The following STXBP6 variants were observed in gnomAD, a reference collection of about 807,000 sequenced individuals.
The protein encoded by STXBP6 is syntaxin binding protein 6.
STXBP6 carries 21 observed loss-of-function variants against 26.9 expected under a neutral mutation model. That is an observed-to-expected ratio of 0.78 (90% confidence interval 0.55 to 1.12). STXBP6 has a LOEUF of 1.12. STXBP6 is among the 50% of genes most tolerant of loss of function. The pLI is 0.00. For missense variants in STXBP6, 232 were observed against 257.9 expected (o/e 0.90, Z 0.69); for synonymous variants, 97 against 92.6 (o/e 1.05, Z -0.27).
intron 4 of STXBP6, among the ~76,000 whole-genome samples, chr14:24,853,169 A>G (rs2069213918): frequency 6.6e-6 from 1 of 152,100 alleles, no homozygotes; most frequent in Non-Finnish European, 1.5e-5. Context: ...GGAAGAGACC[A>G]AAAGATACTG....
At chr14:24,856,151 GT>G in intron 3 of STXBP6, 50 bp from the exon 4 acceptor site, 1 of 1,503,458 alleles carries the variant, frequency 6.7e-7, no homozygotes, top group East Asian at 2.3e-5. Context: ...AAAAACTGCT[GT>G]TTCTAGATTA....
intron 2 of STXBP6, among the ~76,000 whole-genome samples, chr14:24,953,622 G>A (rs1595179522): frequency 6.6e-6 from 1 of 152,086 alleles, no homozygotes; most frequent in Non-Finnish European, 1.5e-5. Flanking sequence ...TTTGTTCTAT[G>A]TTTTCTTTCA....
intron 2 of STXBP6, among the ~76,000 whole-genome samples, chr14:24,873,882 A>G (rs1432934329): frequency 1.3e-5 from 2 of 152,164 alleles, no homozygotes; most frequent in African/African-American, 4.8e-5. Flanking sequence ...ACTCCTGTGC[A>G]TACTCTTTTC....
At chr14:24,994,181 G>A (rs192899095) in intron 1 of STXBP6, among the ~76,000 whole-genome samples, 33 of 152,296 alleles carry the variant, frequency 2.2e-4, no homozygotes, top group African/African-American at 7.9e-4. Flanking sequence ...TCTGAAGAAA[G>A]AGACTCTAAA....
chr14:24,864,512 C>T (rs78813817), intron 2 of STXBP6, among the ~76,000 whole-genome samples: 2,873 of 152,122 alleles, frequency 0.019, 88 homozygotes, highest in African/African-American at 0.065. Flanking sequence ...CTGGATACCA[C>T]GCACCTGCTG....
intron 2 of STXBP6, among the ~76,000 whole-genome samples, chr14:24,909,221 G>A (rs1174219142): frequency 6.6e-6 from 1 of 152,190 alleles, no homozygotes; most frequent in Non-Finnish European, 1.5e-5. Context: ...CCTTGAATAA[G>A]GTCAACTTAC....
chr14:24,876,831 T>A (rs549726422), intron 2 of STXBP6, among the ~76,000 whole-genome samples: 3 of 152,226 alleles, frequency 2.0e-5, no homozygotes, highest in African/African-American at 4.8e-5. Flanking sequence ...AGAGCAATGA[T>A]GAATCAGATG....
At chr14:24,922,904 C>T (rs1003466895) in intron 2 of STXBP6, among the ~76,000 whole-genome samples, 1 of 152,006 alleles carries the variant, frequency 6.6e-6, no homozygotes, top group Non-Finnish European at 1.5e-5. Flanking sequence ...TTTGGATTCA[C>T]TATTCTAATC....
At chr14:24,883,561 TA>T (rs1262111969) in intron 2 of STXBP6, among the ~76,000 whole-genome samples, 5 of 152,174 alleles carry the variant, frequency 3.3e-5, no homozygotes, top group African/African-American at 9.7e-5. Context: ...CCTCAAATAT[TA>T]AATCTCCAAC....
chr14:25,010,262 A>T (rs969455181), intron 1 of STXBP6, among the ~76,000 whole-genome samples: 2 of 152,248 alleles, frequency 1.3e-5, no homozygotes, highest in African/African-American at 2.4e-5. Context: ...GCCTCTAATC[A>T]GACTCAGAGG....
At chr14:24,983,907 T>C (rs1268492308) in intron 1 of STXBP6, among the ~76,000 whole-genome samples, 1 of 152,240 alleles carries the variant, frequency 6.6e-6, no homozygotes, top group Non-Finnish European at 1.5e-5. Context: ...GTTTATATGC[T>C]TTCTAAAATT....
chr14:25,036,041 A>G (rs1222083533), intron 1 of STXBP6, among the ~76,000 whole-genome samples: 1 of 151,948 alleles, frequency 6.6e-6, no homozygotes, highest in African/African-American at 2.4e-5. Context: ...AACATGGTGA[A>G]ACCCCGTCTC....
At chr14:25,044,604 C>T (rs1174898553) in intron 1 of STXBP6, among the ~76,000 whole-genome samples, 2 of 152,190 alleles carry the variant, frequency 1.3e-5, no homozygotes, top group Non-Finnish European at 2.9e-5. Context: ...AACGAATTTA[C>T]AGAATCAAAA....
At chr14:24,882,720 C>T (rs2070419235) in intron 2 of STXBP6, among the ~76,000 whole-genome samples, 1 of 152,188 alleles carries the variant, frequency 6.6e-6, no homozygotes, top group Admixed American at 6.5e-5. Context: ...TTACTAAATT[C>T]ATTGATAGAT....
intron 2 of STXBP6, among the ~76,000 whole-genome samples, chr14:24,874,608 A>C (rs1240848195): frequency 6.6e-6 from 1 of 152,188 alleles, no homozygotes; most frequent in African/African-American, 2.4e-5. Flanking sequence ...AGGATGGTCC[A>C]TGTATTGTCA....
At chr14:24,834,507 G>A (rs540373812) in intron 4 of STXBP6, among the ~76,000 whole-genome samples, 2 of 152,300 alleles carry the variant, frequency 1.3e-5, no homozygotes, top group Non-Finnish European at 2.9e-5. Context: ...CTTAGGTATT[G>A]AGGAATAAAT....
At position 24,980,560 on chromosome 14, in the gene STXBP6, GACA is replaced by G. The variant is rs2074163126; in HGVS notation, c.-32-5713_-32-5711del. On this transcript the variant is annotated intron_variant, in intron 1 of 5. Coordinates refer to ENST00000323944, the MANE Select transcript of STXBP6 (RefSeq NM_001394410.1). ...AATAGACAGGTAACTTTAATCTGGTGACAACATTTGAAGTCTTAAAAGTACAAT... is the reference window on the plus strand; with the variant it reads ...AATAGACAGGTAACTTTAATCTGGTGACATTTGAAGTCTTAAAAGTACAAT... 2.0e-5 allele frequency among the ~76,000 whole-genome samples: 3 copies of G among 152,282 alleles called. No homozygotes were observed. The South Asian group carries it at 6.2e-4, about 32-fold the overall frequency.
intron 2 of STXBP6, among the ~76,000 whole-genome samples, chr14:24,876,524 T>G (rs375348983): frequency 4.1e-4 from 63 of 152,256 alleles, no homozygotes; most frequent in African/African-American, 1.4e-3. Flanking sequence ...AGGACACCCA[T>G]AGTTATAACT....
In STXBP6 at chr14:24,818,172, A is replaced by G. The variant is rs1000938766; in HGVS notation, c.609+865T>C. ...ACATGCCAACACAAGTCATCAGCAG[A>G]TGTTGTTTCTGGAAGGCTAAATTCA... On this transcript the variant is annotated intron_variant, in intron 5 of 5. Coordinates refer to ENST00000323944, the MANE Select transcript of STXBP6 (RefSeq NM_001394410.1). The G allele has an allele frequency of 8.8e-6, 4 of 455,876 alleles. No individual in the cohort carries two copies. The Admixed American group carries it at 9.4e-5, about 11-fold the overall frequency. The allele number at this position is 455,876 out of a possible 1,614,324, so 28.2% of individuals were successfully genotyped here. A position where few individuals can be genotyped will look rare whatever the true frequency, so the allele number is the denominator to read the frequency against.
Sources: allele counts gnomAD v4.1 joint callset (sites outside exome capture counted in the v4.1 genomes callset), GRCh38; gene constraint gnomAD v4.1.1; transcripts MANE v1.5; gene names NCBI Gene and HGNC (gene_info 2026-07-23, HGNC 2026-07-21).